The following HSPBP1 variants were observed in gnomAD, a reference collection of about 807,000 sequenced individuals.
The protein encoded by HSPBP1 is hsp70-binding protein 1.
HSPBP1 carries 31 observed loss-of-function variants against 41.7 expected under a neutral mutation model. That is an observed-to-expected ratio of 0.74 (90% CI 0.56 to 1.00). The LOEUF (loss-of-function observed/expected upper bound fraction) is 1.00, where lower values mean the gene tolerates loss of function less well. HSPBP1 is among the 50% of genes least tolerant of loss of function. The pLI is 0.00. For missense variants in HSPBP1, 439 were observed against 487.9 expected, an observed-to-expected ratio of 0.90 and a Z score of 0.94; for synonymous variants, 199 against 214.4, an observed-to-expected ratio of 0.93 and a Z score of 0.63.
At position 55,262,548 on chromosome 19, in the gene HSPBP1, G is replaced by A; in HGVS notation, c.*60C>T. 6.3e-7 allele frequency: 1 copy of A among 1,599,276 alleles called. No homozygotes were observed. The highest frequency in any genetic ancestry group is 8.5e-7 in the Non-Finnish European group (1 of 1,172,764). On this transcript the variant is annotated 3_prime_UTR_variant, in exon 8 of 8. Transcript: ENST00000433386. Reference sequence around the variant, plus strand: ...TCCCTTGGGAGAGGGCCTTGTAGGTGGGGAGGGAGGCAAGAGGCCTGGGGT... The same window carrying A: ...TCCCTTGGGAGAGGGCCTTGTAGGTAGGGAGGGAGGCAAGAGGCCTGGGGT...
chr19:55,269,798 G>A (rs952985510), intron 4 of HSPBP1, among the ~76,000 whole-genome samples: 1 of 152,168 alleles, frequency 6.6e-6, no homozygotes, highest in Non-Finnish European at 1.5e-5. Context: ...TGATACAGTT[G>A]TCCAAACCCA....
chr19:55,272,714 G>A lies in HSPBP1; in HGVS notation c.640+1684C>T, dbSNP rs1049999406. On this transcript the variant is annotated intron_variant, in intron 4 of 7. Coordinates refer to ENST00000433386, the MANE Select transcript of HSPBP1 (RefSeq NM_012267.5). The surrounding 1 kb of genome is among the most constrained non-coding windows in gnomAD (Gnocchi z 4.2). Reference sequence around the variant, plus strand: ...AAATTAGCCGGGCGCGGTGGCGGGCGCCTGTAATCCCAGCTACTTGAGAGG... The same window carrying A: ...AAATTAGCCGGGCGCGGTGGCGGGCACCTGTAATCCCAGCTACTTGAGAGG... Among the ~76,000 whole-genome samples, 4 of 152,034 alleles carry A rather than the reference G, an allele frequency of 2.6e-5. No individual in the cohort carries two copies. The highest frequency in any genetic ancestry group is 1.9e-4 in the East Asian group (1 of 5,174).
intron 3 of HSPBP1, among the ~76,000 whole-genome samples, chr19:55,275,663 G>C (rs2088051262): frequency 6.6e-6 from 1 of 151,832 alleles, no homozygotes; most frequent in African/African-American, 2.4e-5. Flanking sequence ...AAAAATGCCA[G>C]GCCTGGCCAG....
intron 3 of HSPBP1, among the ~76,000 whole-genome samples, chr19:55,275,057 G>A (rs73621364): frequency 0.019 from 2,934 of 152,280 alleles, 102 homozygotes; most frequent in African/African-American, 0.067. Context: ...CTGAGGCCGG[G>A]AGAGCCAGGC....
chr19:55,275,597 C>T (rs1186969626), intron 3 of HSPBP1, among the ~76,000 whole-genome samples: 1 of 151,792 alleles, frequency 6.6e-6, no homozygotes, highest in East Asian at 1.9e-4. Flanking sequence ...GAGTTCGAGA[C>T]CAGCCCAGGT....
rs1045970224 is a variant in HSPBP1, at chr19:55,268,379, G to A, written c.641-2093C>T. 6.6e-6 allele frequency among the ~76,000 whole-genome samples: 1 copy of A among 152,044 alleles called. No homozygotes were observed. Among genetic ancestry groups the A allele is most frequent in the African/African-American group, 2.4e-5 (1 of 41,388 alleles). On this transcript the variant is annotated intron_variant, in intron 4 of 7. Transcript: ENST00000433386. This position sits in a 1 kb window ranked among gnomAD's most constrained non-coding sequence, Gnocchi z 4.5. ...CGGGAGGTGGAGGTTGCAGTGAGCC[G>A]AGATTGCGCCATTACACTCCAGCCT...
intron 4 of HSPBP1, among the ~76,000 whole-genome samples, chr19:55,267,919 G>T (rs1056664953): frequency 5.3e-5 from 8 of 152,222 alleles, no homozygotes; most frequent in African/African-American, 1.9e-4. Context: ...AGCAGGATGA[G>T]AACTGACCTT....
chr19:55,268,157 G>A lies in HSPBP1; in HGVS notation c.641-1871C>T, dbSNP rs994084604. Among the ~76,000 whole-genome samples the A allele has an allele frequency of 6.6e-6, 1 of 152,180 alleles. No individual in the cohort carries two copies. The highest frequency in any genetic ancestry group is 1.5e-5 in the Non-Finnish European group (1 of 68,028). On this transcript the variant is annotated intron_variant, in intron 4 of 7. Coordinates refer to ENST00000433386, the MANE Select transcript of HSPBP1 (RefSeq NM_012267.5). This position sits in a 1 kb window ranked among gnomAD's most constrained non-coding sequence, Gnocchi z 4.5. ...CCATTAAACACAACGTTGGCTGGGCGCGGTGGCTCATGCCTGTAATCCCAG... is the reference window on the plus strand; with the variant it reads ...CCATTAAACACAACGTTGGCTGGGCACGGTGGCTCATGCCTGTAATCCCAG...
chr19:55,275,504 G>C (rs1287996729), intron 3 of HSPBP1, among the ~76,000 whole-genome samples: 1 of 152,180 alleles, frequency 6.6e-6, no homozygotes, highest in Non-Finnish European at 1.5e-5. Flanking sequence ...CCATAAAAAG[G>C]AATGAAGCAG....
In HSPBP1 at chr19:55,268,362, G is replaced by A. The variant is rs2087840026; in HGVS notation, c.641-2076C>T. ...GGAGAATCATTTGAACCCGGGAGGT[G>A]GAGGTTGCAGTGAGCCGAGATTGCG... On this transcript the variant is annotated intron_variant, in intron 4 of 7. Coordinates refer to ENST00000433386, the MANE Select transcript of HSPBP1 (RefSeq NM_012267.5). This position sits in a 1 kb window ranked among gnomAD's most constrained non-coding sequence, Gnocchi z 4.5. 6.6e-6 allele frequency among the ~76,000 whole-genome samples: 1 copy of A among 152,116 alleles called. No individual in the cohort carries two copies.
chr19:55,276,361 C>T (rs1373770180), intron 3 of HSPBP1, among the ~76,000 whole-genome samples: 1 of 152,090 alleles, frequency 6.6e-6, no homozygotes, highest in Admixed American at 6.6e-5. Context: ...TGTTGCACAA[C>T]ATTCTGAATT....
chr19:55,274,553 C>CGCA lies in HSPBP1; in HGVS notation c.482_484dup (p.Leu161dup). ...GCCGATGAGCTGTGCCGCCCGCCACCGCAGTCCCGCAGCCCCCGCCTCCAG... is the reference window on the plus strand; with the variant it reads ...GCCGATGAGCTGTGCCGCCCGCCACCGCAGCAGTCCCGCAGCCCCCGCCTCCAG... On this transcript the variant is annotated inframe_insertion, in exon 4 of 8. Coordinates refer to ENST00000433386, the MANE Select transcript of HSPBP1 (RefSeq NM_012267.5). The CGCA allele has an allele frequency of 6.2e-7, 1 of 1,608,962 alleles. No individual in the cohort carries two copies. The highest frequency in any genetic ancestry group is 8.5e-7 in the Non-Finnish European group (1 of 1,179,622).
chr19:55,263,077 G>A (rs1276540777), intron 7 of HSPBP1, among the ~76,000 whole-genome samples: 1 of 152,124 alleles, frequency 6.6e-6, no homozygotes, highest in Non-Finnish European at 1.5e-5. Flanking sequence ...AAAAGAAAAA[G>A]AAAACGAGGT....
At chr19:55,264,803 A>G (rs2122802887) in intron 7 of HSPBP1, among the ~76,000 whole-genome samples, 1 of 152,322 alleles carries the variant, frequency 6.6e-6, no homozygotes, top group East Asian at 1.9e-4. Flanking sequence ...GGCATGAAAT[A>G]AACATCTGCT....
In HSPBP1 at chr19:55,279,432, C is replaced by G; in HGVS notation, c.177G>C (p.Glu59Asp). The change falls in exon 2 of 8, where the codon GAG becomes GAC. Residue 59 changes from glutamate (E) to aspartate (D), a missense_variant. Physicochemically the swap from Glu to Asp is conservative, Grantham distance 45. Transcript: ENST00000433386. ...TCATCGGTTCTGGAGGAGGGTCTGG[C>G]TCTTCAGAGCCCGCGGTGATGGCCA... ...LQMAITAGSE[E>D]PDPPPEPMSE... is the part of the protein sequence containing the mutation. 6.2e-7 allele frequency: 1 copy of G among 1,602,952 alleles called. No individual in the cohort carries two copies. Among genetic ancestry groups the G allele is most frequent in the Non-Finnish European group, 8.5e-7 (1 of 1,177,512 alleles).
At chr19:55,269,626 G>C (rs913771218) in intron 4 of HSPBP1, among the ~76,000 whole-genome samples, 1 of 152,206 alleles carries the variant, frequency 6.6e-6, no homozygotes. Flanking sequence ...AAGCCAGTCG[G>C]AAAAGGCTGC....
chr19:55,266,013 C>A (rs1312661356), intron 5 of HSPBP1, 31 bp from the exon 6 acceptor site: 2 of 1,574,346 alleles, frequency 1.3e-6, no homozygotes, highest in African/African-American at 1.3e-5. Flanking sequence ...GTCAGAGGGG[C>A]AGCCCCACCC....
In HSPBP1 at chr19:55,265,985, G is replaced by T. The variant is rs367976956; in HGVS notation, c.797-3C>A. The T allele has an allele frequency of 1.4e-5, 22 of 1,596,530 alleles. 1 individual carries two copies. The highest frequency in any genetic ancestry group is 1.4e-4 in the East Asian group (6 of 44,318). On this transcript the variant is annotated splice_region_variant and splice_polypyrimidine_tract_variant and intron_variant, in intron 5 of 7. Transcript: ENST00000433386. ...CATCCCCATGGAGCACAGGGTCCCTGGGGGGAGGGCTGCAGGGGTCAGAGG... is the reference window on the plus strand; with the variant it reads ...CATCCCCATGGAGCACAGGGTCCCTTGGGGGAGGGCTGCAGGGGTCAGAGG...
chr19:55,267,162 CATTTT>C (rs1297258741), intron 4 of HSPBP1, among the ~76,000 whole-genome samples: 4 of 151,826 alleles, frequency 2.6e-5, no homozygotes, highest in Non-Finnish European at 5.9e-5. Context: ...TTATTTATTT[CATTTT>C]GAGATGGACT....
Sources: gnomAD v4.1 joint callset for allele counts (sites outside exome capture counted in the v4.1 genomes callset) on GRCh38, gnomAD v4.1.1 for gene constraint, Gnocchi (gnomAD v3.1) non-coding constraint, MANE v1.5 for transcripts, NCBI Gene and HGNC (gene_info 2026-07-23, HGNC 2026-07-21) for gene names.